Variants in SPIDR observed in about 807,000 individuals in gnomAD.
SPIDR encodes the protein scaffold protein involved in DNA repair.
Under a neutral mutation model 104.6 loss-of-function variants are expected in SPIDR, and 93 were observed. The observed-to-expected ratio is 0.89, with a 90% CI of 0.75 to 1.06. SPIDR has a LOEUF of 1.06. Ranked by LOEUF, SPIDR falls within the 50% of genes least tolerant of loss-of-function variation. The pLI is 0.00. For synonymous variants in SPIDR, 431 were observed against 416.9 expected, an observed-to-expected ratio of 1.03 and a Z score of -0.41; for missense variants, 1,154 against 1,111.2, an observed-to-expected ratio of 1.04 and a Z score of -0.55.
chr8:47,661,221 C>G lies in SPIDR; in HGVS notation c.1545-12580C>G, dbSNP rs941604418. On this transcript the variant is annotated intron_variant, in intron 10 of 19. Transcript: ENST00000297423. ...ATGGAATCAGTGCAGTTGTGAGACTCTCATTCTAAACACACATGTCCTACT... is the reference window on the plus strand; with the variant it reads ...ATGGAATCAGTGCAGTTGTGAGACTGTCATTCTAAACACACATGTCCTACT... Among the ~76,000 whole-genome samples the G allele has an allele frequency of 2.0e-5, 3 of 152,166 alleles. No homozygotes were observed. The South Asian group carries it at 6.2e-4, about 32-fold the overall frequency.
At position 47,479,979 on chromosome 8, in the gene SPIDR, T is replaced by C. The variant is rs148361890; in HGVS notation, c.1097+39437T>C. Among the ~76,000 whole-genome samples, 37 of 152,304 alleles carry C rather than the reference T, an allele frequency of 2.4e-4. No individual in the cohort carries two copies. In the East Asian group the frequency reaches 7.1e-3, roughly 29 times the overall value. Reference sequence around the variant, plus strand: ...TTAAATGAATCACAGTAAAAAGATTTGACCACCAGCCAAAAAAGGTGAATT... The same window carrying C: ...TTAAATGAATCACAGTAAAAAGATTCGACCACCAGCCAAAAAAGGTGAATT... On this transcript the variant is annotated intron_variant, in intron 8 of 19. Transcript: ENST00000297423.
chr8:47,550,491 A>T (rs748581684), intron 8 of SPIDR, among the ~76,000 whole-genome samples: 1 of 152,152 alleles, frequency 6.6e-6, no homozygotes, highest in Non-Finnish European at 1.5e-5. Flanking sequence ...CATCCCTAGT[A>T]AGTTGGATTC....
In SPIDR at chr8:47,713,665, T is replaced by C. The variant is rs1197723744; in HGVS notation, c.2341+24T>C. The C allele has an allele frequency of 3.1e-6, 5 of 1,613,390 alleles. No individual in the cohort carries two copies. In the South Asian group the frequency reaches 5.5e-5, roughly 18 times the overall value. On this transcript the variant is annotated intron_variant, in intron 16 of 19. Coordinates refer to ENST00000297423, the MANE Select transcript of SPIDR (RefSeq NM_001080394.4). Reference sequence around the variant, plus strand: ...AGGTAGGCAGCCATCTCACAGGAATTGGTGCTTATACTTTCTTAACTGTTA... The same window carrying C: ...AGGTAGGCAGCCATCTCACAGGAATCGGTGCTTATACTTTCTTAACTGTTA...
chr8:47,580,672 A>C (rs534677972), intron 8 of SPIDR, among the ~76,000 whole-genome samples: 109 of 152,196 alleles, frequency 7.2e-4, no homozygotes, highest in African/African-American at 2.4e-3. Context: ...CTTTATTTTA[A>C]ATTTATGCCA....
At chr8:47,641,787 C>G (rs1237670532) in intron 10 of SPIDR, among the ~76,000 whole-genome samples, 2 of 152,300 alleles carry the variant, frequency 1.3e-5, no homozygotes, top group Non-Finnish European at 2.9e-5. Flanking sequence ...CTGCATCTTA[C>G]CCAGCCCACC....
At chr8:47,284,477 C>T (rs2038425047) in intron 3 of SPIDR, among the ~76,000 whole-genome samples, 1 of 152,178 alleles carries the variant, frequency 6.6e-6, no homozygotes, top group South Asian at 2.1e-4. Flanking sequence ...TATACTGCTT[C>T]AGGCTCTGAA....
At chr8:47,696,517 C>T (rs764052658) in intron 11 of SPIDR, among the ~76,000 whole-genome samples, 2 of 151,998 alleles carry the variant, frequency 1.3e-5, no homozygotes, top group Admixed American at 6.6e-5. Flanking sequence ...TTTTTCTTTA[C>T]AAATAGATTG....
intron 8 of SPIDR, among the ~76,000 whole-genome samples, chr8:47,498,445 G>C (rs1183758494): frequency 1.3e-5 from 2 of 152,092 alleles, no homozygotes; most frequent in Non-Finnish European, 1.5e-5. Flanking sequence ...TTGAAAAATA[G>C]CTTTTTTGTT....
chr8:47,524,337 C>T (rs77574245), intron 8 of SPIDR, among the ~76,000 whole-genome samples: 4,523 of 152,288 alleles, frequency 0.03, 129 homozygotes, highest in Middle Eastern at 0.085. Context: ...GCCTGTGCTT[C>T]GTCATTTCTC....
At chr8:47,603,801 T>C (rs2062607472) in intron 10 of SPIDR, among the ~76,000 whole-genome samples, 1 of 152,228 alleles carries the variant, frequency 6.6e-6, no homozygotes, top group Non-Finnish European at 1.5e-5. Context: ...GGACAGAACG[T>C]GCTAAATAGT....
chr8:47,396,609 A>T lies in SPIDR; in HGVS notation c.759A>T (p.Ala253=). Residue 253 remains alanine, a synonymous_variant, in exon 6 of 20, where the codon GCA becomes GCT. Coordinates refer to ENST00000297423, the MANE Select transcript of SPIDR (RefSeq NM_001080394.4). The part of the protein sequence containing the change: ...AKFPRTPENS[A]KKKLLRGGLA... ...TTCCCAGGACTCCAGAAAATTCAGC[A>T]AAGAAGAAGCTTTTAAGGTTAAATT... 6.2e-7 allele frequency: 1 copy of T among 1,613,084 alleles called. No homozygotes were observed. Among genetic ancestry groups the T allele is most frequent in the Non-Finnish European group, 8.5e-7 (1 of 1,179,686 alleles).
chr8:47,543,732 G>A (rs1163163041), intron 8 of SPIDR, among the ~76,000 whole-genome samples: 1 of 152,166 alleles, frequency 6.6e-6, no homozygotes, highest in Admixed American at 6.5e-5. Context: ...GCATCAAAAG[G>A]TGAAACAGAG....
intron 10 of SPIDR, among the ~76,000 whole-genome samples, chr8:47,630,347 T>C (rs1305938825): frequency 6.6e-6 from 1 of 152,182 alleles, no homozygotes; most frequent in Non-Finnish European, 1.5e-5. Context: ...TGGAAAAGCA[T>C]CCAGGATTTG....
At chr8:47,626,123 A>G (rs1387604668) in intron 10 of SPIDR, among the ~76,000 whole-genome samples, 1 of 152,158 alleles carries the variant, frequency 6.6e-6, no homozygotes, top group Non-Finnish European at 1.5e-5. Context: ...ACCTGAGAAA[A>G]ACAAGCAATG....
At chr8:47,526,201 A>C (rs1381879630) in intron 8 of SPIDR, among the ~76,000 whole-genome samples, 1 of 152,234 alleles carries the variant, frequency 6.6e-6, no homozygotes, top group Non-Finnish European at 1.5e-5. Flanking sequence ...AATAAGGAAC[A>C]TTGCAATGAT....
At chr8:47,452,565 A>G (rs1382022635) in intron 8 of SPIDR, among the ~76,000 whole-genome samples, 8 of 152,218 alleles carry the variant, frequency 5.3e-5, no homozygotes, top group African/African-American at 1.9e-4. Flanking sequence ...AACATATGCA[A>G]ATCAATAAAC....
At chr8:47,454,976 A>G (rs1220235589) in intron 8 of SPIDR, among the ~76,000 whole-genome samples, 2 of 152,198 alleles carry the variant, frequency 1.3e-5, no homozygotes, top group Non-Finnish European at 2.9e-5. Context: ...ATAGACAAAA[A>G]ATGCTACAGC....
intron 8 of SPIDR, among the ~76,000 whole-genome samples, chr8:47,545,400 AGT>A (rs959366427): frequency 1.3e-5 from 2 of 152,002 alleles, no homozygotes; most frequent in Admixed American, 6.6e-5. Flanking sequence ...AATTATAAAA[AGT>A]GTTGTTTTTT....
chr8:47,585,380 G>A (rs2060155162), intron 8 of SPIDR, among the ~76,000 whole-genome samples: 1 of 152,132 alleles, frequency 6.6e-6, no homozygotes, highest in South Asian at 2.1e-4. Flanking sequence ...ATGATTGAGA[G>A]GAATGTTGTT....
Sources: allele counts gnomAD v4.1 joint callset (sites outside exome capture counted in the v4.1 genomes callset), GRCh38; gene constraint gnomAD v4.1.1; transcripts MANE v1.5; gene names NCBI Gene and HGNC (gene_info 2026-07-23, HGNC 2026-07-21).